Variants in LARP4B observed in about 807,000 individuals in gnomAD.
LARP4B encodes the protein la-related protein 4B.
A neutral mutation model predicts 89.8 loss-of-function variants in LARP4B; 12 were observed. The observed-to-expected ratio is 0.13, with a 90% CI of 0.09 to 0.22. The LOEUF is 0.22. LARP4B is among the 10% of genes least tolerant of loss of function. The pLI is 1.00. For missense variants in LARP4B, 757 were observed against 947.7 expected, an observed-to-expected ratio of 0.80 and a Z score of 2.64; for synonymous variants, 367 against 363.3, an observed-to-expected ratio of 1.01 and a Z score of -0.12.
chr10:859,424 A>G (rs1834476844), intron 5 of LARP4B, among the ~76,000 whole-genome samples: 1 of 152,196 alleles, frequency 6.6e-6, no homozygotes, highest in South Asian at 2.1e-4. Flanking sequence ...AAACATAAGA[A>G]TTACCATATG....
chr10:824,188 G>T (rs1302198413), intron 13 of LARP4B, among the ~76,000 whole-genome samples: 1 of 152,176 alleles, frequency 6.6e-6, no homozygotes, highest in Non-Finnish European at 1.5e-5. Context: ...GGACTGAGAA[G>T]ATCAACTGGC....
chr10:964,620 G>A, the LARP4B span, among the ~76,000 whole-genome samples: 28 of 152,290 alleles, frequency 1.8e-4, no homozygotes, highest in South Asian at 4.1e-4. Context: ...AGGCCACGTC[G>A]ATGTTAAAGG....
At chr10:855,015 T>G (rs924605422) in intron 5 of LARP4B, among the ~76,000 whole-genome samples, 1 of 152,234 alleles carries the variant, frequency 6.6e-6, no homozygotes, top group African/African-American at 2.4e-5. Flanking sequence ...TTTAACTTCA[T>G]GAAATAACCT....
At chr10:940,120 C>T in the LARP4B span, among the ~76,000 whole-genome samples, 3 of 151,376 alleles carry the variant, frequency 2.0e-5, no homozygotes, top group Non-Finnish European at 2.9e-5. Context: ...CGGGTTCAAG[C>T]GATTCTCCTG....
chr10:841,093 C>T (rs544627911), intron 7 of LARP4B, among the ~76,000 whole-genome samples: 9 of 152,106 alleles, frequency 5.9e-5, no homozygotes, highest in Non-Finnish European at 1.3e-4. Flanking sequence ...GGCAGAGTTG[C>T]GATGAGCTGA....
In LARP4B at chr10:829,733, G is replaced by A. The variant is rs1258636968; in HGVS notation, c.863C>T (p.Ala288Val). The A allele has an allele frequency of 6.2e-7, 1 of 1,610,376 alleles. No individual in the cohort carries two copies. The highest frequency in any genetic ancestry group is 1.7e-5 in the Admixed American group (1 of 59,986). The change falls in exon 10 of 18, where the codon GCT (alanine) becomes GTT (valine). Residue 288 changes from alanine (A) to valine (V), a missense_variant and splice_region_variant. By Grantham distance (64) the Ala-to-Val change is moderately conservative. Around this residue, in one of 5 missense-constraint regions of LARP4B, gnomAD observed 137 missense variants for 213.9 expected, o/e 0.64. Coordinates refer to ENST00000316157, the MANE Select transcript of LARP4B (RefSeq NM_015155.3). ...TFETEADAQQ[A>V]YKYLREEVKT... ...GACTTCTTCTCGAAGGTATTTGTAAGCCTAAGGGCAAAATTAAGTACAAAA... is the reference window on the plus strand; with the variant it reads ...GACTTCTTCTCGAAGGTATTTGTAAACCTAAGGGCAAAATTAAGTACAAAA...
intron 1 of LARP4B, 44 bp from the exon 2 acceptor site, chr10:885,804 A>G (rs1056993307): frequency 1.1e-6 from 1 of 912,910 alleles, no homozygotes; most frequent in African/African-American, 1.7e-5. Context: ...TGAAGGGCAC[A>G]GTATGATTAT....
At position 925,998 on chromosome 10, in the gene LARP4B, G is replaced by T. The variant is rs1017532734; in HGVS notation, c.-40+5430C>A. On this transcript the variant is annotated intron_variant, in intron 1 of 17. Coordinates refer to ENST00000316157, the MANE Select transcript of LARP4B (RefSeq NM_015155.3). ...CTCTATAAGAAACTTTCTAATGTATGCTTTTTGAGTAAAGATTTTCCTATT... is the reference window on the plus strand; with the variant it reads ...CTCTATAAGAAACTTTCTAATGTATTCTTTTTGAGTAAAGATTTTCCTATT... Among the ~76,000 whole-genome samples the T allele has an allele frequency of 3.3e-5, 5 of 152,196 alleles. No individual in the cohort carries two copies. In the East Asian group the frequency reaches 9.6e-4, roughly 29 times the overall value.
the LARP4B span, chr10:972,236 C>T: frequency 3.1e-6 from 1 of 321,080 alleles, no homozygotes; most frequent in South Asian, 2.7e-5. Context: ...CCATGTTGGC[C>T]AGACTTGTCT....
rs1831887276 is a variant in LARP4B, at chr10:814,049, C to T, written c.1929+693G>A. Among the ~76,000 whole-genome samples the T allele has an allele frequency of 2.0e-5, 3 of 152,148 alleles. No homozygotes were observed. The South Asian group carries it at 6.2e-4, about 32-fold the overall frequency. Reference sequence around the variant, plus strand: ...ATCTCCTGACCGCATGATCTGCCTACCTCGGCCTCCCAAAGTGCTGGGATT... The same window carrying T: ...ATCTCCTGACCGCATGATCTGCCTATCTCGGCCTCCCAAAGTGCTGGGATT... On this transcript the variant is annotated intron_variant, in intron 17 of 17. Transcript: ENST00000316157. The surrounding 1 kb of genome is among the most constrained non-coding windows in gnomAD (Gnocchi z 4.4).
At chr10:888,823 G>C (rs886429918) in intron 1 of LARP4B, among the ~76,000 whole-genome samples, 1 of 152,106 alleles carries the variant, frequency 6.6e-6, no homozygotes, top group Non-Finnish European at 1.5e-5. Flanking sequence ...GCAGTGGCTC[G>C]CGCCTATAAT....
At chr10:815,760 G>C (rs773621544) in intron 15 of LARP4B, 1 of 152,208 alleles carries the variant, frequency 6.6e-6, no homozygotes, top group Non-Finnish European at 1.5e-5. Flanking sequence ...ACTTAAAAAA[G>C]GCAGGAGGGC....
chr10:920,920 C>T (rs952439721), intron 1 of LARP4B, among the ~76,000 whole-genome samples: 6 of 152,116 alleles, frequency 3.9e-5, no homozygotes, highest in Non-Finnish European at 5.9e-5. Flanking sequence ...TTAAACATTT[C>T]GTAAATATAT....
chr10:849,259 C>T (rs1356908952), intron 5 of LARP4B, among the ~76,000 whole-genome samples: 2 of 152,128 alleles, frequency 1.3e-5, no homozygotes, highest in Non-Finnish European at 2.9e-5. Context: ...TATCACTGTC[C>T]AATGAAGGAC....
chr10:818,744 A>G (rs950924521), intron 14 of LARP4B: 3 of 152,276 alleles, frequency 2.0e-5, no homozygotes, highest in Non-Finnish European at 4.4e-5. Context: ...TATATTAACT[A>G]AAGAATACAA....
At chr10:907,071 GGTTA>G (rs755141347) in intron 1 of LARP4B, among the ~76,000 whole-genome samples, 20 of 152,140 alleles carry the variant, frequency 1.3e-4, no homozygotes, top group Non-Finnish European at 2.4e-4. Context: ...AGCCTTGGTT[GGTTA>G]TTCTATGTAC....
At chr10:942,471 T>C in the LARP4B span, 1 of 152,216 alleles carries the variant, frequency 6.6e-6, no homozygotes, top group Admixed American at 6.5e-5. Flanking sequence ...GAATGTCCTA[T>C]TTGCACAGAC....
the LARP4B span, among the ~76,000 whole-genome samples, chr10:978,832 T>C: frequency 1.3e-5 from 2 of 152,344 alleles, no homozygotes; most frequent in Admixed American, 1.3e-4. Flanking sequence ...TATGGTAAGA[T>C]TTCTCAGTGT....
chr10:898,159 G>T (rs1295138696), intron 1 of LARP4B, among the ~76,000 whole-genome samples: 1 of 152,102 alleles, frequency 6.6e-6, no homozygotes, highest in Non-Finnish European at 1.5e-5. Context: ...TAAATAAAAT[G>T]AAGTAAATAC....
Sources: gnomAD v4.1 joint callset for allele counts (sites outside exome capture counted in the v4.1 genomes callset) on GRCh38, gnomAD v4.1.1 for gene constraint, gnomAD v4.1.1 regional missense constraint, Gnocchi (gnomAD v3.1) non-coding constraint, MANE v1.5 for transcripts, NCBI Gene and HGNC (gene_info 2026-07-23, HGNC 2026-07-21) for gene names.